Variants in TASOR2 observed in about 807,000 individuals in gnomAD.
The protein encoded by TASOR2 is protein TASOR 2.
A neutral mutation model predicts 199.5 loss-of-function variants in TASOR2; 84 were observed. That is an observed-to-expected ratio of 0.42 (90% CI 0.35 to 0.50). The LOEUF (loss-of-function observed/expected upper bound fraction) is 0.50. TASOR2 is among the 20% of genes least tolerant of loss of function. The probability of loss-of-function intolerance (pLI) is 0.02; values close to 1 mark genes in which losing one functional copy is unlikely to be tolerated. For missense variants in TASOR2, 2,796 were observed against 2,835.9 expected (o/e 0.99, Z 0.32); for synonymous variants, 1,103 against 1,046.6 (o/e 1.05, Z -1.04).
At chr10:5,735,473 A>G in exon 12 of TASOR2, 1 of 1,614,186 alleles carries the variant, frequency 6.2e-7, no homozygotes, top group Non-Finnish European at 8.5e-7. Context: ...CTGTGAAGAA[A>G]TCTCCACAAA....
chr10:5,689,066 T>G lies in TASOR2; in HGVS notation c.-288+3891T>G, dbSNP rs773134975. On this transcript the variant is annotated intron_variant, in intron 1 of 20. Transcript: ENST00000328090. The surrounding 1 kb of genome is among the most constrained non-coding windows in gnomAD (Gnocchi z 4.1). ...GATCTATTGATGATGAACACTCAGT[T>G]TTTGTTCACCTGAAAATGTCTTTAT... Among the ~76,000 whole-genome samples, 7 of 152,176 alleles carry G rather than the reference T, an allele frequency of 4.6e-5. No homozygotes were observed. The highest frequency in any genetic ancestry group is 8.8e-5 in the Non-Finnish European group (6 of 68,018).
chr10:5,695,533 T>A (rs1837047608), intron 1 of TASOR2, among the ~76,000 whole-genome samples: 1 of 152,178 alleles, frequency 6.6e-6, no homozygotes. Context: ...ATAATGGCAA[T>A]AGTAGCTACC....
At position 5,737,084 on chromosome 10, in the gene TASOR2, C is replaced by T. The variant is rs916048947; in HGVS notation, c.1447+1538C>T. On this transcript the variant is annotated intron_variant, in intron 12 of 20. Transcript: ENST00000328090. This position sits in a 1 kb window ranked among gnomAD's most constrained non-coding sequence, Gnocchi z 4.9. The stretch of plus-strand genomic sequence containing the variant: ...AAGCAGTTTTCCTGCCTCAGTCTCC[C>T]GAGTAGCTAGGACTACAGGTGCATG... Among the ~76,000 whole-genome samples, 3 of 152,022 alleles carry T rather than the reference C, an allele frequency of 2.0e-5. No homozygotes were observed. Among genetic ancestry groups the T allele is most frequent in the Admixed American group, 6.5e-5 (1 of 15,268 alleles).
rs1175001419 is a variant in TASOR2 at position 5,689,180 on chromosome 10, CTT to C, written c.-288+4008_-288+4009del. The stretch of plus-strand genomic sequence containing the variant: ...CATGCTGAAGCTCTTATTCCTCTGT[CTT>C]TTGGCTTTCATTATTGCTATTGAAA... On this transcript the variant is annotated intron_variant, in intron 1 of 20. Transcript: ENST00000328090. The surrounding 1 kb of genome is among the most constrained non-coding windows in gnomAD (Gnocchi z 4.1). Among the ~76,000 whole-genome samples, 4 of 152,200 alleles carry C rather than the reference CTT, an allele frequency of 2.6e-5. No individual in the cohort carries two copies. Among genetic ancestry groups the C allele is most frequent in the African/African-American group, 9.7e-5 (4 of 41,450 alleles).
At chr10:5,688,489 C>T (rs376371986) in intron 1 of TASOR2, among the ~76,000 whole-genome samples, 6 of 147,530 alleles carry the variant, frequency 4.1e-5, no homozygotes, top group African/African-American at 1.3e-4. Context: ...CCCCCTGCCT[C>T]GCCTCTCAAA....
intron 11 of TASOR2, among the ~76,000 whole-genome samples, chr10:5,732,001 G>A (rs578244253): frequency 3.0e-4 from 45 of 152,320 alleles, no homozygotes; most frequent in Admixed American, 1.1e-3. Context: ...GAGTTTTTAC[G>A]TGAGCACCTG....
At position 5,685,211 on chromosome 10, in the gene TASOR2, T is replaced by A; in HGVS notation, c.-288+36T>A. On this transcript the variant is annotated intron_variant, in intron 1 of 20. Coordinates refer to ENST00000328090, the Ensembl canonical transcript of TASOR2. The surrounding 1 kb of genome is among the most constrained non-coding windows in gnomAD (Gnocchi z 5.4). ...CCTCGGCCTGGGCGCCCGGGAACCC[T>A]GCGAGGAGGACGGCGGGTCCCCGAG... The A allele has an allele frequency of 2.5e-6, 1 of 397,656 alleles. No individual in the cohort carries two copies. Among genetic ancestry groups the A allele is most frequent in the Non-Finnish European group, 4.4e-6 (1 of 225,380 alleles). The allele number at this position is 397,656 out of a possible 1,614,324, so 24.6% of individuals were successfully genotyped here.
At chr10:5,716,207 G>A (rs866068108) in intron 2 of TASOR2, among the ~76,000 whole-genome samples, 13 of 152,274 alleles carry the variant, frequency 8.5e-5, no homozygotes, top group Admixed American at 1.3e-4. Flanking sequence ...TGACCAAAAT[G>A]TTATATTATA....
At chr10:5,727,030 C>A (rs1462450146) in intron 9 of TASOR2, 31 bp from the exon 11 acceptor site, 1 of 1,613,848 alleles carries the variant, frequency 6.2e-7, no homozygotes, top group East Asian at 2.2e-5. Context: ...AACAACCTAA[C>A]TTTTCTTCTT....
Position 5,754,352 on chromosome 10 carries a change from G to A in TASOR2, c.6607-2261G>A, listed in dbSNP as rs893521139. The stretch of plus-strand genomic sequence containing the variant: ...GTGATAATGATTTTCATGAAGAAGA[G>A]AGCATGGCAATGCTAAGTTTTATTC... On this transcript the variant is annotated intron_variant, in intron 15 of 20. Transcript: ENST00000328090. The surrounding 1 kb of genome is among the most constrained non-coding windows in gnomAD (Gnocchi z 4.3). Among the ~76,000 whole-genome samples the A allele has an allele frequency of 2.6e-5, 4 of 152,044 alleles. No individual in the cohort carries two copies. The highest frequency in any genetic ancestry group is 5.9e-5 in the Non-Finnish European group (4 of 68,004).
At chr10:5,707,391 T>C (rs954285597) in intron 1 of TASOR2, among the ~76,000 whole-genome samples, 9 of 152,154 alleles carry the variant, frequency 5.9e-5, no homozygotes, top group African/African-American at 2.2e-4. Context: ...AGTTCAGGGA[T>C]CTAGTTTCTT....
chr10:5,691,049 G>A (rs1215722857), intron 1 of TASOR2, among the ~76,000 whole-genome samples: 1 of 151,830 alleles, frequency 6.6e-6, no homozygotes, highest in Non-Finnish European at 1.5e-5. Context: ...AAATTAGCCG[G>A]GCATGATGGT....
chr10:5,739,868 T>G, exon 13 of TASOR2: 4 of 1,614,198 alleles, frequency 2.5e-6, no homozygotes, highest in Non-Finnish European at 3.4e-6. Flanking sequence ...TGCCACAAAA[T>G]GATGTTTTGC....
chr10:5,691,268 T>C, intron 1 of TASOR2, among the ~76,000 whole-genome samples: 1 of 152,034 alleles, frequency 6.6e-6, no homozygotes, highest in Non-Finnish European at 1.5e-5. Flanking sequence ...TGTTTTTACA[T>C]AATGTAGGAG....
At chr10:5,741,255 G>A (rs1326141005) in intron 13 of TASOR2, among the ~76,000 whole-genome samples, 4 of 152,226 alleles carry the variant, frequency 2.6e-5, no homozygotes, top group African/African-American at 9.6e-5. Context: ...TGTGTCCTGA[G>A]GTTACATATA....
chr10:5,739,792 C>T (rs776430049), exon 13 of TASOR2: 4 of 1,614,178 alleles, frequency 2.5e-6, no homozygotes, highest in Admixed American at 3.3e-5. Context: ...GCCGATCTAG[C>T]ATTAAGCTCT....
rs1329188246 is a variant in TASOR2 at position 5,738,887 on chromosome 10, T to C, written c.1448-731T>C. Among the ~76,000 whole-genome samples the C allele has an allele frequency of 6.6e-6, 1 of 152,204 alleles. No homozygotes were observed. The highest frequency in any genetic ancestry group is 1.5e-5 in the Non-Finnish European group (1 of 68,040). ...AATGTAAATGTTCTGATTAAGGGCA[T>C]ATGGATAGATTTGATTATCTGTAAA... On this transcript the variant is annotated intron_variant, in intron 12 of 20. Transcript: ENST00000328090. This position sits in a 1 kb window ranked among gnomAD's most constrained non-coding sequence, Gnocchi z 4.7.
At chr10:5,749,349 C>A (rs768791842) in exon 15 of TASOR2, 2 of 1,614,240 alleles carry the variant, frequency 1.2e-6, no homozygotes, top group Admixed American at 3.3e-5. Flanking sequence ...ACACTTTAGA[C>A]CTGGAGTATC....
intron 6 of TASOR2, 39 bp from the exon 8 acceptor site, chr10:5,723,638 G>A (rs971566793): frequency 2.7e-5 from 34 of 1,276,358 alleles, no homozygotes; most frequent in Middle Eastern, 4.1e-4. Context: ...TAGATCCACT[G>A]TTTATTATTC....
Sources: gnomAD v4.1 joint callset for allele counts (sites outside exome capture counted in the v4.1 genomes callset) on GRCh38, gnomAD v4.1.1 for gene constraint, Gnocchi (gnomAD v3.1) non-coding constraint, MANE v1.5 for transcripts, NCBI Gene and HGNC (gene_info 2026-07-23, HGNC 2026-07-21) for gene names.